Variants in SLC22A9 observed in about 807,000 individuals in gnomAD.
The protein encoded by SLC22A9 is organic anion transporter 7.
SLC22A9 carries 64 observed loss-of-function variants against 50.1 expected under a neutral mutation model. That is an observed-to-expected ratio of 1.28 (90% confidence interval 1.04 to 1.57). The LOEUF (loss-of-function observed/expected upper bound fraction) is 1.57. Ranked by LOEUF, SLC22A9 falls within the 40% of genes most tolerant of loss-of-function variation. The pLI is 0.00. For missense variants in SLC22A9, 757 were observed against 676.1 expected, an observed-to-expected ratio of 1.12 and a Z score of -1.33; for synonymous variants, 261 against 242.5, an observed-to-expected ratio of 1.08 and a Z score of -0.71.
intron 2 of SLC22A9, 151 bp downstream of exon 2, chr11:63,371,389 A>C: frequency 1.7e-6 from 1 of 596,000 alleles, no homozygotes; most frequent in South Asian, 2.3e-5. Context: ...CCGTGTTTTG[A>C]GTGCTATTTT....
At chr11:63,388,964 A>G (rs1041215231) in intron 6 of SLC22A9, among the ~76,000 whole-genome samples, 1 of 152,094 alleles carries the variant, frequency 6.6e-6, no homozygotes, top group African/African-American at 2.4e-5. Flanking sequence ...ATTGGCATAT[A>G]GTTGTTAATG....
chr11:63,392,908 T>G (rs954404038), intron 6 of SLC22A9, among the ~76,000 whole-genome samples: 1 of 152,144 alleles, frequency 6.6e-6, no homozygotes, highest in African/African-American at 2.4e-5. Context: ...TCTTGATCTG[T>G]GCATGTCACA....
chr11:63,373,297 C>CA (rs2014397800), intron 2 of SLC22A9, among the ~76,000 whole-genome samples: 1 of 152,036 alleles, frequency 6.6e-6, no homozygotes, highest in Non-Finnish European at 1.5e-5. Flanking sequence ...CTCTACTATG[C>CA]TAAAGTACAT....
intron 9 of SLC22A9, among the ~76,000 whole-genome samples, 183 bp downstream of exon 9, chr11:63,409,062 T>C (rs629907): frequency 0.48 from 73,651 of 151,990 alleles, 22,183 homozygotes; most frequent in African/African-American, 0.82. Context: ...TCAGACACCC[T>C]CTGAGGCTCT....
intron 8 of SLC22A9, 74 bp from the exon 9 acceptor site, chr11:63,408,602 A>G (rs1650443387): frequency 1.5e-6 from 2 of 1,377,206 alleles, no homozygotes; most frequent in East Asian, 2.3e-5. Context: ...CCATAATTAG[A>G]GCAAAATGAT....
intron 6 of SLC22A9, among the ~76,000 whole-genome samples, chr11:63,403,040 T>C (rs2014976460): frequency 6.6e-6 from 1 of 152,100 alleles, no homozygotes; most frequent in African/African-American, 2.4e-5. Flanking sequence ...AAAAAGTCAA[T>C]GACATATAAT....
At chr11:63,378,568 G>A (rs935255970) in intron 5 of SLC22A9, among the ~76,000 whole-genome samples, 4 of 151,984 alleles carry the variant, frequency 2.6e-5, no homozygotes, top group Non-Finnish European at 5.9e-5. Context: ...TAGGAAGAGA[G>A]GAAGTCAAAA....
intron 5 of SLC22A9, among the ~76,000 whole-genome samples, chr11:63,376,088 C>T (rs915860619): frequency 5.3e-5 from 8 of 152,066 alleles, no homozygotes; most frequent in African/African-American, 7.2e-5. Flanking sequence ...TTCATTCCTT[C>T]CCATTTATTA....
Position 63,371,195 on chromosome 11 carries a change from G to A in SLC22A9, c.463G>A (p.Gly155Arg). The A allele has an allele frequency of 6.2e-7, 1 of 1,613,394 alleles. No homozygotes were observed. The highest frequency in any genetic ancestry group is 1.3e-5 in the African/African-American group (1 of 74,984). ...TSVAKFVFMA[G>R]MMVGGILGGH... The stretch of plus-strand genomic sequence containing the variant: ...AGTGGCTAAATTTGTATTCATGGCT[G>A]GAATGATGGTGGGAGGCATCCTAGG... The change falls in exon 2 of 10, where the codon GGA becomes AGA. Residue 155 changes from glycine (G) to arginine (R), a missense_variant. Transcript: ENST00000279178.
chr11:63,386,257 A>G (rs1364663303), intron 6 of SLC22A9, among the ~76,000 whole-genome samples: 4 of 151,792 alleles, frequency 2.6e-5, no homozygotes, highest in Non-Finnish European at 5.9e-5. Context: ...GTATTCTTTT[A>G]TTGTTGTATT....
intron 6 of SLC22A9, among the ~76,000 whole-genome samples, chr11:63,405,571 C>A (rs1341352279): frequency 6.6e-6 from 1 of 152,130 alleles, no homozygotes; most frequent in African/African-American, 2.4e-5. Flanking sequence ...TTCCTTGTTG[C>A]ATTCTGGATT....
intron 5 of SLC22A9, among the ~76,000 whole-genome samples, chr11:63,381,255 C>T (rs368085070): frequency 6.6e-5 from 10 of 152,178 alleles, no homozygotes; most frequent in African/African-American, 2.4e-4. Context: ...CTCCTCTGCC[C>T]AGATCACATA....
At chr11:63,374,156 A>G (rs1191867658) in intron 4 of SLC22A9, 94 bp downstream of exon 4, 2 of 1,223,860 alleles carry the variant, frequency 1.6e-6, no homozygotes, top group African/African-American at 3.1e-5. Context: ...TTCTTTGTGT[A>G]AACCTGAGAG....
intron 6 of SLC22A9, among the ~76,000 whole-genome samples, chr11:63,398,245 T>C (rs904031727): frequency 6.6e-6 from 1 of 152,140 alleles, no homozygotes; most frequent in East Asian, 1.9e-4. Flanking sequence ...ATAGTATCCA[T>C]GTTGCAAGAC....
Position 63,408,985 on chromosome 11 carries a change from C to G in SLC22A9, c.1601+106C>G. 2.4e-6 allele frequency: 3 copies of G among 1,251,936 alleles called. No homozygotes were observed. The East Asian group carries it at 7.0e-5, about 29-fold the overall frequency. The allele number at this position is 1,251,936 out of a possible 1,614,324, so 77.6% of individuals were successfully genotyped here. A position where few individuals can be genotyped will look rare whatever the true frequency, so the allele number is the denominator to read the frequency against. ...CCACTGTCCTCTCAAAAGGCTTAGA[C>G]TTAGGATTTTCCCATGTAATCAGTG... On this transcript the variant is annotated intron_variant, in intron 9 of 9. Transcript: ENST00000279178.
intron 6 of SLC22A9, among the ~76,000 whole-genome samples, chr11:63,393,223 CTAAG>C (rs2119960411): frequency 6.6e-6 from 1 of 152,028 alleles, no homozygotes; most frequent in South Asian, 2.1e-4. Context: ...AGGTTTATTC[CTAAG>C]TATTTTAATT....
At chr11:63,403,150 A>T (rs1211833314) in intron 6 of SLC22A9, among the ~76,000 whole-genome samples, 1 of 152,136 alleles carries the variant, frequency 6.6e-6, no homozygotes, top group Non-Finnish European at 1.5e-5. Flanking sequence ...AGTAAAAAAG[A>T]ATTCCATATT....
intron 5 of SLC22A9, among the ~76,000 whole-genome samples, chr11:63,376,068 C>A (rs991350140): frequency 6.6e-6 from 1 of 152,034 alleles, no homozygotes; most frequent in South Asian, 2.1e-4. Flanking sequence ...ATAGGAGTAA[C>A]CAAAACTAGT....
In SLC22A9 at chr11:63,369,926, C is replaced by T. The variant is rs558847894; in HGVS notation, c.-131C>T. The T allele has an allele frequency of 7.7e-6, 7 of 912,808 alleles. No individual in the cohort carries two copies. The highest frequency in any genetic ancestry group is 2.7e-5 in the East Asian group (1 of 37,722). 56.5% of individuals were successfully genotyped at this position (912,808 alleles called of 1,614,324 possible). On this transcript the variant is annotated 5_prime_UTR_variant, in exon 1 of 10. Transcript: ENST00000279178. ...TCCTGCTGCAGAGGGGAAGCACAGT[C>T]GTCAAGAAGAGAGTGGGGTCAGGAT...
Sources: allele counts gnomAD v4.1 joint callset (sites outside exome capture counted in the v4.1 genomes callset), GRCh38; gene constraint gnomAD v4.1.1; transcripts MANE v1.5; gene names NCBI Gene and HGNC (gene_info 2026-07-23, HGNC 2026-07-21).